XKR6: variants seen among roughly 807,000 people sequenced by gnomAD.
XKR6 encodes XK related 6, also known as XK-related protein 6.
In XKR6, 22 loss-of-function variants were observed where a neutral mutation model predicts 56.7. That is an observed-to-expected ratio of 0.39 (90% confidence interval 0.28 to 0.55). The LOEUF (loss-of-function observed/expected upper bound fraction) is 0.55. Among genes scored for constraint, XKR6 ranks in the 20% least tolerant of loss-of-function variants. XKR6 has a pLI of 0.66. For missense variants in XKR6, 852 were observed against 889.0 expected, an observed-to-expected ratio of 0.96 and a Z score of 0.53; for synonymous variants, 524 against 387.8, an observed-to-expected ratio of 1.35 and a Z score of -4.13.
At chr8:10,944,836 C>T (rs1039971326) in intron 1 of XKR6, among the ~76,000 whole-genome samples, 4 of 152,158 alleles carry the variant, frequency 2.6e-5, no homozygotes, top group Admixed American at 2.6e-4. Flanking sequence ...TATTTTTAGC[C>T]CTTCTTTCCA....
chr8:11,178,559 T>TATATAC (rs1207499689), intron 1 of XKR6, among the ~76,000 whole-genome samples: 7 of 142,286 alleles, frequency 4.9e-5, no homozygotes, highest in African/African-American at 1.8e-4. Context: ...TATATATATA[T>TATATAC]ATATATATAT....
intron 1 of XKR6, among the ~76,000 whole-genome samples, chr8:10,959,501 T>A (rs578000413): frequency 6.6e-6 from 1 of 152,200 alleles, no homozygotes; most frequent in Non-Finnish European, 1.5e-5. Context: ...CCAGTGGATT[T>A]GGTTCCTGGT....
At chr8:10,970,821 A>AAC (rs1554517780) in intron 1 of XKR6, among the ~76,000 whole-genome samples, 4 of 151,658 alleles carry the variant, frequency 2.6e-5, no homozygotes, top group African/African-American at 9.7e-5. Flanking sequence ...AAAAAAAAAA[A>AAC]ACCTCTGTAT....
chr8:11,056,649 C>A (rs571939421), intron 1 of XKR6, among the ~76,000 whole-genome samples: 33 of 152,354 alleles, frequency 2.2e-4, no homozygotes, highest in African/African-American at 7.5e-4. Context: ...GCTGAGTGGT[C>A]TACAGAGGCA....
At chr8:10,965,822 A>G (rs1297189539) in intron 1 of XKR6, among the ~76,000 whole-genome samples, 1 of 152,220 alleles carries the variant, frequency 6.6e-6, no homozygotes, top group Admixed American at 6.5e-5. Flanking sequence ...CACAACGGAG[A>G]GGAGCTCATG....
At chr8:11,182,795 C>T (rs1803065313) in intron 1 of XKR6, among the ~76,000 whole-genome samples, 1 of 152,218 alleles carries the variant, frequency 6.6e-6, no homozygotes, top group African/African-American at 2.4e-5. Flanking sequence ...AATACATTCA[C>T]AATGCATCAT....
chr8:10,929,721 T>C (rs889610265), intron 1 of XKR6, among the ~76,000 whole-genome samples: 24 of 152,204 alleles, frequency 1.6e-4, no homozygotes, highest in African/African-American at 5.3e-4. Context: ...ATGCATACCA[T>C]AGTGCCCCCT....
At chr8:11,131,457 T>C (rs1483243930) in intron 1 of XKR6, among the ~76,000 whole-genome samples, 1 of 152,176 alleles carries the variant, frequency 6.6e-6, no homozygotes, top group Non-Finnish European at 1.5e-5. Flanking sequence ...AGAAAATTCC[T>C]GAGAAACATA....
At chr8:10,961,260 T>C (rs1203403102) in intron 1 of XKR6, among the ~76,000 whole-genome samples, 1 of 152,204 alleles carries the variant, frequency 6.6e-6, no homozygotes, top group African/African-American at 2.4e-5. Flanking sequence ...CCTCCGGCTC[T>C]AGTGTGCCCA....
At chr8:10,916,427 G>A (rs754536270) in intron 2 of XKR6, among the ~76,000 whole-genome samples, 2 of 152,166 alleles carry the variant, frequency 1.3e-5, no homozygotes, top group Non-Finnish European at 2.9e-5. Flanking sequence ...GACAGCTAAT[G>A]TCCCATATGA....
At chr8:11,066,308 C>A (rs570826468) in intron 1 of XKR6, among the ~76,000 whole-genome samples, 1 of 152,240 alleles carries the variant, frequency 6.6e-6, no homozygotes, top group African/African-American at 2.4e-5. Flanking sequence ...TCTGTCTGCT[C>A]AATTTTTCTG....
chr8:11,051,914 G>T (rs1037599678), intron 1 of XKR6, among the ~76,000 whole-genome samples: 2 of 152,214 alleles, frequency 1.3e-5, no homozygotes, highest in African/African-American at 4.8e-5. Flanking sequence ...ATATGCCATG[G>T]TGGTTTGTTA....
intron 2 of XKR6, among the ~76,000 whole-genome samples, chr8:10,924,364 C>A (rs1011087369): frequency 2.0e-5 from 3 of 152,272 alleles, no homozygotes; most frequent in African/African-American, 7.2e-5. Flanking sequence ...AGACCCAGAG[C>A]CCTCTACCCG....
At chr8:11,121,675 C>G (rs1418292408) in intron 1 of XKR6, among the ~76,000 whole-genome samples, 1 of 152,146 alleles carries the variant, frequency 6.6e-6, no homozygotes, top group Non-Finnish European at 1.5e-5. Flanking sequence ...CCCAGCCATC[C>G]CATTACTGGG....
At chr8:11,172,057 A>C (rs1802401421) in intron 1 of XKR6, among the ~76,000 whole-genome samples, 1 of 151,520 alleles carries the variant, frequency 6.6e-6, no homozygotes, top group Admixed American at 6.6e-5. Flanking sequence ...CCTGTCAAAA[A>C]ATAAGAAAAA....
intron 1 of XKR6, among the ~76,000 whole-genome samples, chr8:11,178,651 A>G (rs921944196): frequency 1.5e-5 from 2 of 134,270 alleles, no homozygotes; most frequent in Middle Eastern, 3.7e-3. Flanking sequence ...ACATACACAC[A>G]AATATATATA....
chr8:11,145,783 T>C (rs1200662262), intron 1 of XKR6, among the ~76,000 whole-genome samples: 2 of 152,198 alleles, frequency 1.3e-5, no homozygotes, highest in Non-Finnish European at 2.9e-5. Context: ...CTTCCAAAAC[T>C]GATCTGCTAA....
chr8:11,075,127 G>A (rs1367023448), intron 1 of XKR6, among the ~76,000 whole-genome samples: 1 of 152,160 alleles, frequency 6.6e-6, no homozygotes, highest in African/African-American at 2.4e-5. Flanking sequence ...CCCATAAGGA[G>A]CCCATCATGT....
intron 1 of XKR6, among the ~76,000 whole-genome samples, chr8:11,047,369 T>C (rs1033334485): frequency 6.6e-6 from 1 of 152,254 alleles, no homozygotes; most frequent in South Asian, 2.1e-4. Context: ...ATTTTATTTT[T>C]CAATTTTTCA....
Sources: gnomAD v4.1 joint callset for allele counts (sites outside exome capture counted in the v4.1 genomes callset) on GRCh38, gnomAD v4.1.1 for gene constraint, MANE v1.5 for transcripts, NCBI Gene and HGNC (gene_info 2026-07-23, HGNC 2026-07-21) for gene names.